The following EMB variants were observed in gnomAD, a reference collection of about 807,000 sequenced individuals.
EMB encodes embigin, also known as embigin homolog.
EMB carries 31 observed loss-of-function variants against 41.4 expected under a neutral mutation model. That is an observed-to-expected ratio of 0.75 (90% CI 0.56 to 1.01). The LOEUF (loss-of-function observed/expected upper bound fraction) is 1.01. Among genes scored for constraint, EMB ranks in the 50% least tolerant of loss-of-function variants. The pLI, the probability that EMB is intolerant of heterozygous loss-of-function variation, is 0.00. For missense variants in EMB, 379 were observed against 388.3 expected (o/e 0.98, Z 0.20); for synonymous variants, 137 against 140.4 (o/e 0.98, Z 0.17).
At chr5:50,407,369 T>C (rs907669492) in intron 4 of EMB, among the ~76,000 whole-genome samples, 20 of 151,930 alleles carry the variant, frequency 1.3e-4, no homozygotes, top group African/African-American at 4.8e-4. Flanking sequence ...TTCAAGAAAG[T>C]TGAGTATTCT....
At chr5:50,416,364 A>G (rs1745431823) in intron 2 of EMB, among the ~76,000 whole-genome samples, 2 of 152,142 alleles carry the variant, frequency 1.3e-5, no homozygotes, top group East Asian at 1.9e-4. Flanking sequence ...ATAATTTCTT[A>G]TTTTCATAGG....
chr5:50,440,996 C>A, intron 1 of EMB, 44 bp downstream of exon 1: 2 of 1,266,936 alleles, frequency 1.6e-6, no homozygotes, highest in Non-Finnish European at 2.0e-6. Flanking sequence ...CCGAGCCTCG[C>A]GCGCCCTCCG....
At chr5:50,407,810 A>C (rs565460258) in intron 4 of EMB, among the ~76,000 whole-genome samples, 6 of 152,080 alleles carry the variant, frequency 3.9e-5, no homozygotes, top group Admixed American at 2.6e-4. Flanking sequence ...GGAATAAACC[A>C]GGTTTGAAGG....
intron 1 of EMB, among the ~76,000 whole-genome samples, chr5:50,439,933 G>A (rs549609518): frequency 7.7e-4 from 117 of 152,194 alleles, no homozygotes; most frequent in African/African-American, 2.7e-3. Flanking sequence ...TAACATTTAT[G>A]ACACAGAAAC....
intron 2 of EMB, among the ~76,000 whole-genome samples, chr5:50,412,990 CTT>C (rs1745368560): frequency 2.0e-5 from 3 of 150,344 alleles, no homozygotes; most frequent in African/African-American, 7.3e-5. Flanking sequence ...CTCTACTTGT[CTT>C]TTCTTTCTTC....
intron 2 of EMB, among the ~76,000 whole-genome samples, chr5:50,414,706 CT>C (rs1322677251): frequency 6.6e-6 from 1 of 152,022 alleles, no homozygotes; most frequent in African/African-American, 2.4e-5. Flanking sequence ...TGCAAAATTG[CT>C]GAATTGAATT....
chr5:50,431,776 G>A (rs1745724408), intron 1 of EMB, among the ~76,000 whole-genome samples: 1 of 152,146 alleles, frequency 6.6e-6, no homozygotes, highest in East Asian at 1.9e-4. Context: ...ATATCAACAT[G>A]AAAGAGTAAC....
At chr5:50,435,934 A>T (rs1274841579) in intron 1 of EMB, among the ~76,000 whole-genome samples, 8 of 152,080 alleles carry the variant, frequency 5.3e-5, no homozygotes. Flanking sequence ...GACATGACTC[A>T]TTATCCTTTG....
chr5:50,425,739 A>ACCCAGGCTGGAGTGCG (rs1561138427), intron 2 of EMB, among the ~76,000 whole-genome samples: 2 of 64,138 alleles, frequency 3.1e-5, no homozygotes, highest in African/African-American at 2.0e-4. Flanking sequence ...GGACTCTTGC[A>ACCCAGGCTGGAGTGCG]GTGGCACAAT....
upstream of EMB, among the ~76,000 whole-genome samples, chr5:50,441,546 T>G (rs1326098849): frequency 3.3e-5 from 5 of 152,326 alleles, no homozygotes; most frequent in Non-Finnish European, 7.4e-5. Context: ...GCCTTTGCAC[T>G]TCACCTGAGG....
chr5:50,409,329 C>T (rs1384496094), intron 4 of EMB, among the ~76,000 whole-genome samples: 1 of 151,974 alleles, frequency 6.6e-6, no homozygotes, highest in Non-Finnish European at 1.5e-5. Flanking sequence ...AATGTGTTAT[C>T]TTCAATATTG....
rs558642549 is a variant in EMB, at chr5:50,421,265, A to C, written c.196+6879T>G. Among the ~76,000 whole-genome samples the C allele has an allele frequency of 2.6e-5, 4 of 152,274 alleles. No individual in the cohort carries two copies. The South Asian group carries it at 8.3e-4, about 32-fold the overall frequency. Reference sequence around the variant, plus strand: ...GAACAGACACTTCTCAAAAGAAGACATTTATGCAGCCAAAAGACACATGAA... The same window carrying C: ...GAACAGACACTTCTCAAAAGAAGACCTTTATGCAGCCAAAAGACACATGAA... On this transcript the variant is annotated intron_variant, in intron 2 of 8. Transcript: ENST00000303221.
chr5:50,442,298 T>C (rs2111888640), upstream of EMB, among the ~76,000 whole-genome samples: 2 of 152,342 alleles, frequency 1.3e-5, no homozygotes, highest in Admixed American at 1.3e-4. Context: ...GAATGGTTAA[T>C]TTGTAATTGG....
chr5:50,402,431 G>A, intron 6 of EMB, 112 bp from the exon 7 acceptor site: 1 of 993,622 alleles, frequency 1.0e-6, no homozygotes, highest in South Asian at 1.3e-5. Context: ...TGTTTCTCCT[G>A]TTTGGAATGA....
intron 4 of EMB, among the ~76,000 whole-genome samples, chr5:50,408,593 G>A (rs1205183227): frequency 6.6e-6 from 1 of 151,820 alleles, no homozygotes; most frequent in Non-Finnish European, 1.5e-5. Flanking sequence ...CACTATAGGT[G>A]GCTCATGTAG....
intron 7 of EMB, among the ~76,000 whole-genome samples, chr5:50,401,440 C>A (rs1335332390): frequency 6.6e-6 from 1 of 151,984 alleles, no homozygotes; most frequent in Non-Finnish European, 1.5e-5. Flanking sequence ...TATAGTTGCT[C>A]AGGCCTTCCA....
chr5:50,437,949 T>C (rs1429394344), intron 1 of EMB, among the ~76,000 whole-genome samples: 11 of 152,076 alleles, frequency 7.2e-5, no homozygotes, highest in Admixed American at 3.3e-4. Context: ...CAAAGATATA[T>C]TATATGTCTT....
At chr5:50,403,853 C>T (rs1013455727) in intron 5 of EMB, among the ~76,000 whole-genome samples, 3 of 151,876 alleles carry the variant, frequency 2.0e-5, no homozygotes, top group African/African-American at 7.2e-5. Flanking sequence ...ACTACCACCC[C>T]GGAAGCTACT....
chr5:50,422,280 G>A (rs186734183), intron 2 of EMB, among the ~76,000 whole-genome samples: 106 of 152,250 alleles, frequency 7.0e-4, no homozygotes, highest in African/African-American at 2.5e-3. Flanking sequence ...TTAATGGATT[G>A]GAGTAAAAGA....
Sources: allele counts gnomAD v4.1 joint callset (sites outside exome capture counted in the v4.1 genomes callset), GRCh38; gene constraint gnomAD v4.1.1; transcripts MANE v1.5; gene names NCBI Gene and HGNC (gene_info 2026-07-23, HGNC 2026-07-21).